Variants in CFAP418 observed in about 807,000 individuals in gnomAD.
The protein encoded by CFAP418 is cilia and flagella associated protein 418.
CFAP418 carries 27 observed loss-of-function variants against 24.7 expected under a neutral mutation model. The observed-to-expected ratio is 1.09, with a 90% CI of 0.81 to 1.51. The LOEUF (loss-of-function observed/expected upper bound fraction) is 1.51. Among genes scored for constraint, CFAP418 ranks in the 40% most tolerant of loss-of-function variants. The pLI, the probability that CFAP418 is intolerant of heterozygous loss-of-function variation, is 0.00. For missense variants in CFAP418, 257 were observed against 255.2 expected (o/e 1.01, Z -0.05); for synonymous variants, 74 against 87.3 (o/e 0.85, Z 0.85).
At chr8:95,259,996 T>C (rs758352660) in intron 3 of CFAP418, 91 bp from the exon 4 acceptor site, 68 of 957,604 alleles carry the variant, frequency 7.1e-5, no homozygotes, top group Non-Finnish European at 9.7e-5. Context: ...TTTGGTTTTA[T>C]TGACTTTATG....
chr8:95,247,463 A>T lies in CFAP418; in HGVS notation c.*154T>A. The stretch of plus-strand genomic sequence containing the variant: ...TATAATACATGATCTTCCTTAGTCC[A>T]TTTGGTCTTCAAAAATGTATGTAGT... On this transcript the variant is annotated 3_prime_UTR_variant, in exon 6 of 6. Coordinates refer to ENST00000286688, the MANE Select transcript of CFAP418 (RefSeq NM_177965.4). The T allele has an allele frequency of 1.3e-6, 1 of 757,204 alleles. No individual in the cohort carries two copies. The highest frequency in any genetic ancestry group is 2.1e-6 in the Non-Finnish European group (1 of 467,096). 46.9% of individuals were successfully genotyped at this position (757,204 alleles called of 1,614,324 possible).
At chr8:95,268,904 G>T in intron 1 of CFAP418, 131 bp downstream of exon 1, 6 of 986,596 alleles carry the variant, frequency 6.1e-6, no homozygotes, top group Non-Finnish European at 9.1e-6. Context: ...GGGCGCTGAG[G>T]GTCTGAACCC....
chr8:95,252,670 G>A (rs374342620), intron 4 of CFAP418, among the ~76,000 whole-genome samples: 2 of 152,098 alleles, frequency 1.3e-5, no homozygotes, highest in African/African-American at 2.4e-5. Context: ...TATCTCTACC[G>A]AAGAATATGT....
chr8:95,268,647 T>C (rs1010470814), intron 1 of CFAP418, among the ~76,000 whole-genome samples: 1 of 151,552 alleles, frequency 6.6e-6, no homozygotes, highest in African/African-American at 2.4e-5. Context: ...CTCTCGGGGT[T>C]AAGAACGGGG....
intron 4 of CFAP418, among the ~76,000 whole-genome samples, chr8:95,256,705 G>T (rs547383285): frequency 6.6e-6 from 1 of 152,320 alleles, no homozygotes; most frequent in South Asian, 2.1e-4. Flanking sequence ...GCATTCAATG[G>T]ATTTAAAAAA....
At chr8:95,266,959 T>C (rs1811994622) in intron 1 of CFAP418, among the ~76,000 whole-genome samples, 1 of 152,198 alleles carries the variant, frequency 6.6e-6, no homozygotes, top group African/African-American at 2.4e-5. Context: ...ATGCTAGTTC[T>C]CCTAAGATGA....
chr8:95,267,949 G>A (rs1331843455), intron 1 of CFAP418, among the ~76,000 whole-genome samples: 1 of 151,284 alleles, frequency 6.6e-6, no homozygotes, highest in Non-Finnish European at 1.5e-5. Context: ...ATTACATGGA[G>A]GAAAAACGAC....
intron 5 of CFAP418, among the ~76,000 whole-genome samples, chr8:95,251,873 C>T (rs138635665): frequency 0.017 from 2,534 of 152,240 alleles, 44 homozygotes; most frequent in Non-Finnish European, 0.019. Flanking sequence ...TCCAAGGCTA[C>T]AAACCTCTAC....
intron 5 of CFAP418, among the ~76,000 whole-genome samples, chr8:95,248,935 A>G (rs927596113): frequency 2.6e-5 from 4 of 152,212 alleles, no homozygotes; most frequent in African/African-American, 7.2e-5. Flanking sequence ...TTCAGGCACA[A>G]TTTAGAAGGT....
rs1320123723 is a variant in CFAP418 at position 95,245,133 on chromosome 8, G to A, written c.*2484C>T. The A allele has an allele frequency of 6.6e-6, 1 of 151,958 alleles. No individual in the cohort carries two copies. The highest frequency in any genetic ancestry group is 1.5e-5 in the Non-Finnish European group (1 of 67,988). The allele number at this position is 151,958 out of a possible 1,614,324, so 9.4% of individuals were successfully genotyped here. A position where few individuals can be genotyped will look rare whatever the true frequency, so the allele number is the denominator to read the frequency against. ...GGCAAAACATCTTGAAAGTTTTATA[G>A]GCTTTGCATTTTAAAATTATAGATG... On this transcript the variant is annotated 3_prime_UTR_variant, in exon 6 of 6. Transcript: ENST00000286688.
At chr8:95,267,987 T>C (rs1183409666) in intron 1 of CFAP418, among the ~76,000 whole-genome samples, 1 of 151,940 alleles carries the variant, frequency 6.6e-6, no homozygotes, top group Non-Finnish European at 1.5e-5. Context: ...AGTTTTTAGA[T>C]AAAAAACCAA....
At chr8:95,257,766 TTGATAA>T (rs1422281137) in intron 4 of CFAP418, among the ~76,000 whole-genome samples, 3 of 152,210 alleles carry the variant, frequency 2.0e-5, no homozygotes, top group South Asian at 2.1e-4. Flanking sequence ...TACATAATAC[TTGATAA>T]TGATAATAAA....
Position 95,268,760 on chromosome 8 carries a change from C to CGGGGA in CFAP418, c.155+274_155+275insTCCCC, listed in dbSNP as rs1439088068. 1.4e-4 allele frequency: 11 copies of CGGGGA among 77,838 alleles called. No homozygotes were observed. In the Admixed American group the frequency reaches 2.1e-3, roughly 15 times the overall value. The allele number at this position is 77,838 out of a possible 1,614,324, so 4.8% of individuals were successfully genotyped here. A position where few individuals can be genotyped will look rare whatever the true frequency, so the allele number is the denominator to read the frequency against. On this transcript the variant is annotated intron_variant, in intron 1 of 5. Coordinates refer to ENST00000286688, the MANE Select transcript of CFAP418 (RefSeq NM_177965.4). ...CGGACTGCGGGCTCTGCGGGCGGGGCGGGGCGGGGCGGGGCGGGGCGGGGC... is the reference window on the plus strand; with the variant it reads ...CGGACTGCGGGCTCTGCGGGCGGGGCGGGGAGGGGCGGGGCGGGGCGGGGCGGGGC...
At chr8:95,248,489 A>T (rs918744447) in intron 5 of CFAP418, among the ~76,000 whole-genome samples, 2 of 152,202 alleles carry the variant, frequency 1.3e-5, no homozygotes, top group Non-Finnish European at 2.9e-5. Context: ...TGATGAATTA[A>T]CTATAGAAAA....
intron 4 of CFAP418, among the ~76,000 whole-genome samples, chr8:95,256,651 G>A (rs1811795593): frequency 6.6e-6 from 1 of 152,190 alleles, no homozygotes; most frequent in African/African-American, 2.4e-5. Flanking sequence ...ACTGGCCAGT[G>A]TTTTGCCTTT....
chr8:95,264,707 T>A (rs1587357931), intron 1 of CFAP418, among the ~76,000 whole-genome samples: 1 of 152,312 alleles, frequency 6.6e-6, no homozygotes, highest in Non-Finnish European at 1.5e-5. Context: ...ATTTCAGAAA[T>A]GTATTTACTC....
Position 95,245,125 on chromosome 8 carries a change from G to A in CFAP418, c.*2492C>T, listed in dbSNP as rs529486839. Reference sequence around the variant, plus strand: ...AACAAACAGGCAAAACATCTTGAAAGTTTTATAGGCTTTGCATTTTAAAAT... The same window carrying A: ...AACAAACAGGCAAAACATCTTGAAAATTTTATAGGCTTTGCATTTTAAAAT... On this transcript the variant is annotated 3_prime_UTR_variant, in exon 6 of 6. Coordinates refer to ENST00000286688, the MANE Select transcript of CFAP418 (RefSeq NM_177965.4). 1.3e-3 allele frequency: 202 copies of A among 152,150 alleles called. No homozygotes were observed. The highest frequency in any genetic ancestry group is 1.8e-3 in the Non-Finnish European group (124 of 67,988). 9.4% of individuals were successfully genotyped at this position (152,150 alleles called of 1,614,324 possible). A position where few individuals can be genotyped will look rare whatever the true frequency, so the allele number is the denominator to read the frequency against.
chr8:95,256,073 G>A (rs1354108165), intron 4 of CFAP418, among the ~76,000 whole-genome samples: 1 of 152,194 alleles, frequency 6.6e-6, no homozygotes, highest in African/African-American at 2.4e-5. Context: ...GGAGCCTCGA[G>A]CTATGAAAAC....
intron 4 of CFAP418, among the ~76,000 whole-genome samples, chr8:95,257,347 CAGT>C (rs979265461): frequency 6.6e-6 from 1 of 152,182 alleles, no homozygotes; most frequent in African/African-American, 2.4e-5. Context: ...ATAGCTCTAA[CAGT>C]AGGTAACATT....
Sources: allele counts gnomAD v4.1 joint callset (sites outside exome capture counted in the v4.1 genomes callset), GRCh38; gene constraint gnomAD v4.1.1; transcripts MANE v1.5; gene names NCBI Gene and HGNC (gene_info 2026-07-23, HGNC 2026-07-21).